The following RAB11FIP4 variants were observed in gnomAD, a reference collection of about 807,000 sequenced individuals.
RAB11FIP4 encodes the protein RAB11 family interacting protein 4, also known as rab11 family-interacting protein 4.
In RAB11FIP4, 23 loss-of-function variants were observed where a neutral mutation model predicts 74.3. That is an observed-to-expected ratio of 0.31 (90% CI 0.22 to 0.44). The LOEUF (loss-of-function observed/expected upper bound fraction) is 0.44. Among genes scored for constraint, RAB11FIP4 ranks in the 20% least tolerant of loss-of-function variants. The pLI is 1.00. For synonymous variants in RAB11FIP4, 360 were observed against 359.9 expected, an observed-to-expected ratio of 1.00 and a Z score of 0.00; for missense variants, 630 against 863.9, an observed-to-expected ratio of 0.73 and a Z score of 3.39.
intron 3 of RAB11FIP4, among the ~76,000 whole-genome samples, chr17:31,467,828 GAGCTTGGGGCCCATTCTAAT>G (rs956954851): frequency 1.3e-5 from 2 of 152,152 alleles, no homozygotes; most frequent in Admixed American, 6.5e-5. Flanking sequence ...AATCTGCCCC[GAGCTTGGGGCCCATTCTAAT>G]TAAGGTAACT....
chr17:31,478,768 C>A (rs2071819343), intron 3 of RAB11FIP4, among the ~76,000 whole-genome samples: 1 of 152,108 alleles, frequency 6.6e-6, no homozygotes, highest in South Asian at 2.1e-4. Flanking sequence ...CAGTCCTCAG[C>A]TCTAAGCCAG....
intron 1 of RAB11FIP4, among the ~76,000 whole-genome samples, chr17:31,395,272 C>T (rs1004889331): frequency 6.6e-6 from 1 of 152,094 alleles, no homozygotes; most frequent in Admixed American, 6.5e-5. Flanking sequence ...GAAAATCTCT[C>T]GTATAGAAGA....
At chr17:31,402,982 A>C (rs2071007437) in intron 1 of RAB11FIP4, among the ~76,000 whole-genome samples, 1 of 152,040 alleles carries the variant, frequency 6.6e-6, no homozygotes, top group Non-Finnish European at 1.5e-5. Flanking sequence ...TTATCTGTAA[A>C]ATAGAGGTCA....
intron 3 of RAB11FIP4, among the ~76,000 whole-genome samples, chr17:31,443,585 A>G (rs1333064220): frequency 6.6e-6 from 1 of 151,824 alleles, no homozygotes; most frequent in African/African-American, 2.4e-5. Flanking sequence ...TTGCTAGGCT[A>G]TGCTTACGCA....
intron 4 of RAB11FIP4, among the ~76,000 whole-genome samples, chr17:31,520,732 C>A (rs1454237363): frequency 1.3e-5 from 2 of 152,184 alleles, no homozygotes; most frequent in African/African-American, 4.8e-5. Context: ...TGGTCTCGAT[C>A]TCCTGACCTC....
intron 3 of RAB11FIP4, among the ~76,000 whole-genome samples, chr17:31,505,630 T>C (rs2072328246): frequency 1.4e-5 from 1 of 73,646 alleles, no homozygotes; most frequent in East Asian, 2.4e-4. Context: ...TATATAATTA[T>C]ATAATAATAA....
Position 31,491,008 on chromosome 17 carries a change from G to A in RAB11FIP4, c.337-26643G>A, listed in dbSNP as rs1049417284. ...CTTGACTCAGGAACTGGGCACCTAT[G>A]GCTTCAAACACTGGCCTCGAAGATC... On this transcript the variant is annotated intron_variant, in intron 3 of 14. Transcript: ENST00000621161. Among the ~76,000 whole-genome samples the A allele has an allele frequency of 1.5e-4, 23 of 152,246 alleles. 1 individual carries two copies. Among genetic ancestry groups the A allele is most frequent in the Non-Finnish European group, 7.3e-5 (5 of 68,050 alleles).
At chr17:31,523,302 A>C in intron 7 of RAB11FIP4, 1 of 587,060 alleles carries the variant, frequency 1.7e-6, no homozygotes, top group East Asian at 2.8e-5. Flanking sequence ...CTGCCAGGGG[A>C]CCCCGGGGGT....
At chr17:31,514,475 TCCGGAC>T in intron 3 of RAB11FIP4, among the ~76,000 whole-genome samples, 1 of 141,062 alleles carries the variant, frequency 7.1e-6, no homozygotes, top group African/African-American at 2.8e-5. Flanking sequence ...CAGAATCATG[TCCGGAC>T]CCGGCTGTAA....
Position 31,402,234 on chromosome 17 carries a change from C to CATCA in RAB11FIP4, c.159+10224_159+10225insTCAA, listed in dbSNP as rs1233472730. On this transcript the variant is annotated intron_variant, in intron 1 of 14. Coordinates refer to ENST00000621161, the MANE Select transcript of RAB11FIP4 (RefSeq NM_032932.6). ...CCATCCATCCATCCATCCATCCACC[C>CATCA]ACCATCTACCACTTCCTGAGTATCA... Among the ~76,000 whole-genome samples, 34 of 151,642 alleles carry CATCA rather than the reference C, an allele frequency of 2.2e-4. 1 individual carries two copies. Among genetic ancestry groups the CATCA allele is most frequent in the African/African-American group, 7.3e-4 (30 of 41,236 alleles).
intron 3 of RAB11FIP4, among the ~76,000 whole-genome samples, chr17:31,504,324 G>T (rs1255042411): frequency 6.6e-6 from 1 of 151,802 alleles, no homozygotes; most frequent in African/African-American, 2.4e-5. Flanking sequence ...GTAGAGATGG[G>T]GTTTCACTGT....
At chr17:31,423,588 C>T (rs889425744) in intron 1 of RAB11FIP4, among the ~76,000 whole-genome samples, 1 of 152,102 alleles carries the variant, frequency 6.6e-6, no homozygotes, top group African/African-American at 2.4e-5. Context: ...AACCTGCCCT[C>T]TGTGAATTAT....
intron 10 of RAB11FIP4, chr17:31,526,499 G>T (rs1281434897): frequency 6.6e-6 from 1 of 152,274 alleles, no homozygotes; most frequent in African/African-American, 2.4e-5. Flanking sequence ...GGCAGTGGAG[G>T]CCCAGAAGCC....
In RAB11FIP4 at chr17:31,528,474, C is replaced by T. The variant is rs760759709; in HGVS notation, c.1425C>T (p.Tyr475=). Residue 475 remains tyrosine (Y), a synonymous_variant, in exon 12 of 15, where the codon TAC becomes TAT. Coordinates refer to ENST00000621161, the MANE Select transcript of RAB11FIP4 (RefSeq NM_032932.6). ...SLRLKDEMDL[Y]KRMMDKLRQN... ...GGCTCAAAGATGAGATGGACCTGTA[C>T]AAGCGCATGATGGACAAGCTGCGAC... is the stretch of plus-strand genomic sequence containing the variant. The T allele has an allele frequency of 6.2e-7, 1 of 1,613,648 alleles. No homozygotes were observed. The highest frequency in any genetic ancestry group is 1.3e-5 in the African/African-American group (1 of 74,960).
At chr17:31,431,198 T>C (rs1349447094) in intron 1 of RAB11FIP4, among the ~76,000 whole-genome samples, 1 of 152,214 alleles carries the variant, frequency 6.6e-6, no homozygotes, top group African/African-American at 2.4e-5. Flanking sequence ...ACGTGGGTTG[T>C]ACACACCAAG....
At chr17:31,467,696 C>G (rs1047386604) in intron 3 of RAB11FIP4, among the ~76,000 whole-genome samples, 1 of 152,166 alleles carries the variant, frequency 6.6e-6, no homozygotes, top group Non-Finnish European at 1.5e-5. Flanking sequence ...GCCATTCAAG[C>G]CTGTGGAGGG....
intron 14 of RAB11FIP4, among the ~76,000 whole-genome samples, chr17:31,531,311 G>A (rs186776382): frequency 2.0e-5 from 3 of 152,198 alleles, no homozygotes; most frequent in African/African-American, 7.2e-5. Flanking sequence ...GATTTTAAAT[G>A]ACTTTGGCTA....
chr17:31,432,142 C>T (rs1044492530), intron 2 of RAB11FIP4, among the ~76,000 whole-genome samples: 3 of 152,154 alleles, frequency 2.0e-5, no homozygotes, highest in Non-Finnish European at 4.4e-5. Flanking sequence ...CTTGTCTGCC[C>T]GCCTCTGGAG....
At chr17:31,505,526 A>T (rs1191402489) in intron 3 of RAB11FIP4, among the ~76,000 whole-genome samples, 2 of 84,486 alleles carry the variant, frequency 2.4e-5, no homozygotes, top group African/African-American at 4.8e-5. Context: ...ATTATATATT[A>T]TATATAATTA....
Sources: gnomAD v4.1 joint callset for allele counts (sites outside exome capture counted in the v4.1 genomes callset) on GRCh38, gnomAD v4.1.1 for gene constraint, MANE v1.5 for transcripts, NCBI Gene and HGNC (gene_info 2026-07-23, HGNC 2026-07-21) for gene names.